SENP7: variants seen among roughly 807,000 people sequenced by gnomAD.
The protein encoded by SENP7 is sentrin-specific protease 7.
In SENP7, 64 loss-of-function variants were observed where a neutral mutation model predicts 141.2. The observed-to-expected ratio is 0.45, with a 90% CI of 0.37 to 0.56. The LOEUF (loss-of-function observed/expected upper bound fraction) is 0.56. SENP7 is among the 20% of genes least tolerant of loss of function. The pLI is 0.00. For synonymous variants in SENP7, 382 were observed against 426.4 expected (o/e 0.90, Z 1.28); for missense variants, 1,025 against 1,212.2 (o/e 0.85, Z 2.29).
In SENP7 at chr3:101,493,891, G is replaced by C. The variant is rs2065060403; in HGVS notation, c.168C>G (p.Arg56=). The C allele has an allele frequency of 6.2e-7, 1 of 1,601,598 alleles. No homozygotes were observed. The highest frequency in any genetic ancestry group is 1.7e-5 in the Admixed American group (1 of 59,920). Residue 56 remains arginine, a synonymous_variant, in exon 3 of 24, where the codon CGC becomes CGG. Transcript: ENST00000394095. The stretch of plus-strand genomic sequence containing the variant: ...TTACCACCTGCAAAGGGAGAGTCCA[G>C]CGTTCTGAGCTTCTGAATTTGGACA... ...SPLSKFRSSE[R]WTLPLQWERS...
intron 4 of SENP7, among the ~76,000 whole-genome samples, chr3:101,429,452 G>C (rs1203826969): frequency 1.3e-5 from 2 of 152,114 alleles, no homozygotes; most frequent in Non-Finnish European, 2.9e-5. Flanking sequence ...TCTCTTTGTA[G>C]CAATTGTGAA....
rs756321065 is a variant in SENP7, at chr3:101,458,936, GCA to G, written c.284+17_284+18del. 4 of 1,433,598 alleles carry G rather than the reference GCA, an allele frequency of 2.8e-6. No individual in the cohort carries two copies. The highest frequency in any genetic ancestry group is 1.8e-5 in the Admixed American group (1 of 54,866). The allele number at this position is 1,433,598 out of a possible 1,614,324, so 88.8% of individuals were successfully genotyped here. On this transcript the variant is annotated intron_variant, in intron 4 of 23. Transcript: ENST00000394095. ...TTATAGGTTAAGCCCATACTATGTC[GCA>G]CACACACATATCTTACCTTTCTGGT...
At chr3:101,343,049 A>G (rs147773077) in intron 14 of SENP7, among the ~76,000 whole-genome samples, 1 of 152,276 alleles carries the variant, frequency 6.6e-6, no homozygotes, top group East Asian at 1.9e-4. Context: ...TTGAGATTAC[A>G]TATTACTGGA....
In SENP7 at chr3:101,347,871, C is replaced by T; in HGVS notation, c.1837+1G>A. The T allele has an allele frequency of 7.0e-7, 1 of 1,428,668 alleles. No individual in the cohort carries two copies. Among genetic ancestry groups the T allele is most frequent in the Non-Finnish European group, 9.3e-7 (1 of 1,071,230 alleles). 88.5% of individuals were successfully genotyped at this position (1,428,668 alleles called of 1,614,324 possible). A position where few individuals can be genotyped will look rare whatever the true frequency, so the allele number is the denominator to read the frequency against. ...AAATTTAGAAATCATTTTATACTCA[C>T]ATTGCTGGCTTAATACAGAGTGTTC... On this transcript the variant is annotated splice_donor_variant, in intron 13 of 23. Coordinates refer to ENST00000394095, the MANE Select transcript of SENP7 (RefSeq NM_020654.5). LOFTEE classifies it high-confidence loss of function.
At chr3:101,409,724 G>T (rs1019674841) in intron 5 of SENP7, among the ~76,000 whole-genome samples, 1 of 152,154 alleles carries the variant, frequency 6.6e-6, no homozygotes, top group Non-Finnish European at 1.5e-5. Context: ...GGGATAATTG[G>T]CTAGCCACAT....
At chr3:101,457,549 C>G in intron 4 of SENP7, 1 of 1,601,450 alleles carries the variant, frequency 6.2e-7, no homozygotes, top group Non-Finnish European at 8.5e-7. Context: ...ATATGCACCT[C>G]TTCAATACCA....
intron 3 of SENP7, among the ~76,000 whole-genome samples, chr3:101,472,875 C>T (rs944873164): frequency 1.3e-5 from 2 of 152,040 alleles, no homozygotes; most frequent in Non-Finnish European, 2.9e-5. Context: ...GCCTAGTACT[C>T]ATTAGCTATT....
chr3:101,379,659 T>C (rs533385415), intron 6 of SENP7, among the ~76,000 whole-genome samples: 25 of 152,260 alleles, frequency 1.6e-4, no homozygotes, highest in South Asian at 1.2e-3. Flanking sequence ...GGATGGTTAT[T>C]ATCAAAAAAA....
intron 4 of SENP7, among the ~76,000 whole-genome samples, chr3:101,447,383 A>T (rs1037426231): frequency 2.0e-5 from 3 of 152,196 alleles, no homozygotes; most frequent in Non-Finnish European, 4.4e-5. Context: ...TCAAGACCAC[A>T]GTGAGTTATG....
At chr3:101,484,658 C>T (rs909918852) in intron 3 of SENP7, among the ~76,000 whole-genome samples, 7 of 152,142 alleles carry the variant, frequency 4.6e-5, no homozygotes, top group African/African-American at 1.7e-4. Context: ...TCCGACCTAA[C>T]CTGGAGCTGA....
chr3:101,430,357 A>G (rs1559812910), intron 4 of SENP7, among the ~76,000 whole-genome samples: 2 of 152,170 alleles, frequency 1.3e-5, no homozygotes, highest in Non-Finnish European at 2.9e-5. Flanking sequence ...TATTGCCTCA[A>G]TTTCAGAGCC....
chr3:101,420,860 G>A (rs917996085), intron 4 of SENP7, among the ~76,000 whole-genome samples: 1 of 152,132 alleles, frequency 6.6e-6, no homozygotes, highest in African/African-American at 2.4e-5. Flanking sequence ...ATGGTTAAAA[G>A]GGAAAGGGCA....
At chr3:101,396,753 T>C (rs2060978328) in intron 6 of SENP7, among the ~76,000 whole-genome samples, 1 of 152,208 alleles carries the variant, frequency 6.6e-6, no homozygotes, top group African/African-American at 2.4e-5. Context: ...CAATACCTCT[T>C]CTTCTCAAGG....
chr3:101,366,784 A>G lies in SENP7; in HGVS notation c.979-15T>C. 1 of 1,497,330 alleles carries G rather than the reference A, an allele frequency of 6.7e-7. No individual in the cohort carries two copies. The highest frequency in any genetic ancestry group is 9.0e-7 in the Non-Finnish European group (1 of 1,113,128). 92.8% of individuals were successfully genotyped at this position (1,497,330 alleles called of 1,614,324 possible). A position where few individuals can be genotyped will look rare whatever the true frequency, so the allele number is the denominator to read the frequency against. On this transcript the variant is annotated splice_polypyrimidine_tract_variant and intron_variant, in intron 8 of 23. Transcript: ENST00000394095. ...TCTTGTTTTTTCTAAACATAAACAC[A>G]TAGAAAAAAATAGCATTTTTCAAAT...
chr3:101,475,508 A>C (rs1342975185), intron 3 of SENP7, among the ~76,000 whole-genome samples: 2 of 152,084 alleles, frequency 1.3e-5, no homozygotes, highest in African/African-American at 4.8e-5. Flanking sequence ...AACAATGAGA[A>C]CACACTGGTG....
At chr3:101,380,259 G>T (rs1410941859) in intron 6 of SENP7, among the ~76,000 whole-genome samples, 1 of 152,024 alleles carries the variant, frequency 6.6e-6, no homozygotes, top group African/African-American at 2.4e-5. Flanking sequence ...GGTGGTAATG[G>T]TTGTACAATA....
chr3:101,457,944 G>C (rs1576415213), intron 4 of SENP7, among the ~76,000 whole-genome samples: 1 of 152,080 alleles, frequency 6.6e-6, no homozygotes, highest in African/African-American at 2.4e-5. Context: ...AATGTGGCTT[G>C]GTTTTTATTA....
chr3:101,343,637 T>G, intron 14 of SENP7, 49 bp downstream of exon 14: 1 of 1,538,054 alleles, frequency 6.5e-7, no homozygotes. Context: ...TGAATAAATG[T>G]TTTCTGAACC....
At chr3:101,505,488 G>A (rs986296775) in intron 1 of SENP7, among the ~76,000 whole-genome samples, 2 of 152,016 alleles carry the variant, frequency 1.3e-5, no homozygotes, top group African/African-American at 4.8e-5. Flanking sequence ...TTTCATTAAT[G>A]CTACTGTGAA....
Sources: gnomAD v4.1 joint callset for allele counts (sites outside exome capture counted in the v4.1 genomes callset) on GRCh38, gnomAD v4.1.1 for gene constraint, MANE v1.5 for transcripts, NCBI Gene and HGNC (gene_info 2026-07-23, HGNC 2026-07-21) for gene names.